TMEM108: variants seen among roughly 807,000 people sequenced by gnomAD.
The protein encoded by TMEM108 is transmembrane protein 108.
TMEM108 carries 12 observed loss-of-function variants against 35.1 expected under a neutral mutation model. That is an observed-to-expected ratio of 0.34 (90% CI 0.22 to 0.55). The LOEUF (loss-of-function observed/expected upper bound fraction) is 0.55, where lower values mean the gene tolerates loss of function less well. Ranked by LOEUF, TMEM108 falls within the 20% of genes least tolerant of loss-of-function variation. TMEM108 has a pLI of 0.89. For synonymous variants in TMEM108, 287 were observed against 308.6 expected (o/e 0.93, Z 0.73); for missense variants, 680 against 753.3 (o/e 0.90, Z 1.14).
chr3:133,056,797 T>C (rs1015295301), intron 2 of TMEM108, among the ~76,000 whole-genome samples: 3 of 152,192 alleles, frequency 2.0e-5, no homozygotes, highest in Admixed American at 6.5e-5. Context: ...ATATCAGAAA[T>C]TGACAGCAAT....
intron 4 of TMEM108, 27 bp downstream of exon 4, chr3:133,381,188 C>G (rs769008822): frequency 1.3e-6 from 2 of 1,564,096 alleles, no homozygotes; most frequent in South Asian, 2.4e-5. Context: ...CCCACCCATC[C>G]TCTCCCTCTA....
At chr3:133,133,229 A>C (rs570675656) in intron 2 of TMEM108, among the ~76,000 whole-genome samples, 1 of 152,244 alleles carries the variant, frequency 6.6e-6, no homozygotes, top group East Asian at 1.9e-4. Flanking sequence ...AATGTGGCAA[A>C]CTTTATTGTT....
chr3:133,243,880 A>G (rs1946348561), intron 3 of TMEM108, among the ~76,000 whole-genome samples: 1 of 152,062 alleles, frequency 6.6e-6, no homozygotes, highest in African/African-American at 2.4e-5. Context: ...CAGACCTAGA[A>G]CCCTGAGACC....
intron 2 of TMEM108, among the ~76,000 whole-genome samples, chr3:133,094,154 A>G (rs1489049822): frequency 1.3e-5 from 2 of 151,870 alleles, no homozygotes; most frequent in Middle Eastern, 3.4e-3. Context: ...TAACCCTCTC[A>G]GTACCTGTGT....
chr3:133,233,105 A>G (rs1946178430), intron 3 of TMEM108, among the ~76,000 whole-genome samples: 1 of 151,276 alleles, frequency 6.6e-6, no homozygotes, highest in African/African-American at 2.4e-5. Flanking sequence ...TTAGTTACAT[A>G]TGTATACATG....
intron 2 of TMEM108, among the ~76,000 whole-genome samples, chr3:133,177,681 C>A (rs1945257968): frequency 2.6e-5 from 4 of 152,148 alleles, no homozygotes; most frequent in Admixed American, 2.6e-4. Flanking sequence ...TAAGAGCTAT[C>A]TATGACAAAC....
At chr3:133,387,941 T>C (rs1337226796) in intron 4 of TMEM108, 12 of 985,436 alleles carry the variant, frequency 1.2e-5, no homozygotes, top group Non-Finnish European at 1.4e-5. Context: ...CTTTCTACCT[T>C]AGAGAGGCGT....
intron 3 of TMEM108, among the ~76,000 whole-genome samples, chr3:133,335,033 G>C (rs2071465712): frequency 6.6e-6 from 1 of 152,148 alleles, no homozygotes; most frequent in Admixed American, 6.5e-5. Flanking sequence ...TTTGTAATTA[G>C]AGAAATGTAA....
At chr3:133,377,299 A>T (rs1161590029) in intron 3 of TMEM108, among the ~76,000 whole-genome samples, 1 of 152,204 alleles carries the variant, frequency 6.6e-6, no homozygotes, top group Non-Finnish European at 1.5e-5. Flanking sequence ...AATGTCCATC[A>T]AAACATGGAG....
chr3:133,076,118 A>G (rs1381111604), intron 2 of TMEM108, among the ~76,000 whole-genome samples: 3 of 152,176 alleles, frequency 2.0e-5, no homozygotes, highest in Non-Finnish European at 4.4e-5. Flanking sequence ...AAGGGTCTAG[A>G]TTTTTAAATA....
At chr3:133,147,714 C>T (rs1291572485) in intron 2 of TMEM108, among the ~76,000 whole-genome samples, 6 of 152,154 alleles carry the variant, frequency 3.9e-5, no homozygotes. Context: ...TTTAAAGAAT[C>T]TCAATGACCA....
chr3:133,239,105 A>G (rs1361048414), intron 3 of TMEM108, among the ~76,000 whole-genome samples: 1 of 152,118 alleles, frequency 6.6e-6, no homozygotes, highest in Non-Finnish European at 1.5e-5. Context: ...TTTCCATCCA[A>G]AACATACCAC....
chr3:133,122,141 A>G (rs767425452), intron 2 of TMEM108, among the ~76,000 whole-genome samples: 1 of 152,132 alleles, frequency 6.6e-6, no homozygotes, highest in Non-Finnish European at 1.5e-5. Context: ...CTAATTTAGC[A>G]GCAGGAGTTA....
chr3:133,350,447 C>T (rs1352499732), intron 3 of TMEM108, among the ~76,000 whole-genome samples: 1 of 148,382 alleles, frequency 6.7e-6, no homozygotes, highest in African/African-American at 2.5e-5. Context: ...GTTCTCACCA[C>T]AAAAAAAAAG....
intron 2 of TMEM108, among the ~76,000 whole-genome samples, chr3:133,147,529 G>A (rs1559847578): frequency 6.6e-6 from 1 of 152,068 alleles, no homozygotes; most frequent in Non-Finnish European, 1.5e-5. Context: ...CCACATACAT[G>A]TTTTCTTTTG....
chr3:133,323,058 G>T (rs1057009338), intron 3 of TMEM108, among the ~76,000 whole-genome samples: 1 of 152,058 alleles, frequency 6.6e-6, no homozygotes, highest in Non-Finnish European at 1.5e-5. Flanking sequence ...ACATTATACT[G>T]AACAGTGAAA....
chr3:133,107,786 C>A (rs1471997335), intron 2 of TMEM108, among the ~76,000 whole-genome samples: 1 of 152,134 alleles, frequency 6.6e-6, no homozygotes, highest in Non-Finnish European at 1.5e-5. Flanking sequence ...AGCCTCTAAG[C>A]CACAACCTTT....
At chr3:133,084,054 T>C (rs1943849228) in intron 2 of TMEM108, among the ~76,000 whole-genome samples, 1 of 152,130 alleles carries the variant, frequency 6.6e-6, no homozygotes, top group South Asian at 2.1e-4. Flanking sequence ...TTTTTGGTCA[T>C]CTGTACAATG....
intron 1 of TMEM108, among the ~76,000 whole-genome samples, chr3:133,041,577 G>A (rs372703349): frequency 1.0e-3 from 155 of 152,300 alleles, no homozygotes; most frequent in Non-Finnish European, 2.0e-3. Context: ...CATAAGGTAG[G>A]AATAACGTGT....
Sources: gnomAD v4.1 joint callset for allele counts (sites outside exome capture counted in the v4.1 genomes callset) on GRCh38, gnomAD v4.1.1 for gene constraint, MANE v1.5 for transcripts, NCBI Gene and HGNC (gene_info 2026-07-23, HGNC 2026-07-21) for gene names.